Variants in LRFN5 observed in about 807,000 individuals in gnomAD.
LRFN5 encodes the protein leucine rich repeat and fibronectin type III domain containing 5.
A neutral mutation model predicts 45.6 loss-of-function variants in LRFN5; 24 were observed. The observed-to-expected ratio is 0.53, with a 90% CI of 0.38 to 0.74. LRFN5 has a LOEUF of 0.74. LRFN5 is among the 30% of genes least tolerant of loss of function. LRFN5 has a pLI of 0.00. For missense variants in LRFN5, 776 were observed against 861.5 expected, an observed-to-expected ratio of 0.90 and a Z score of 1.24; for synonymous variants, 340 against 313.8, an observed-to-expected ratio of 1.08 and a Z score of -0.88.
intron 1 of LRFN5, among the ~76,000 whole-genome samples, chr14:41,765,605 T>A (rs1885855073): frequency 6.6e-6 from 1 of 152,200 alleles, no homozygotes; most frequent in South Asian, 2.1e-4. Context: ...AGGAAATAAA[T>A]GAAAAGGCAA....
At chr14:41,661,273 T>A (rs903441509) in intron 1 of LRFN5, among the ~76,000 whole-genome samples, 152 of 152,082 alleles carry the variant, frequency 1.0e-3, no homozygotes, top group African/African-American at 3.5e-3. Context: ...GGTCTCTTAA[T>A]CTCAGTAAGA....
intron 2 of LRFN5, among the ~76,000 whole-genome samples, chr14:41,871,388 G>C (rs1171394280): frequency 6.6e-6 from 1 of 152,186 alleles, no homozygotes; most frequent in South Asian, 2.1e-4. Flanking sequence ...AGGAGTTCAA[G>C]ACCAGACTGG....
chr14:41,689,772 G>A (rs1308421358), intron 1 of LRFN5, among the ~76,000 whole-genome samples: 1 of 150,484 alleles, frequency 6.6e-6, no homozygotes, highest in East Asian at 2.0e-4. Context: ...GCGGGCGCCT[G>A]TAGTCCCAGC....
At chr14:41,847,384 C>G (rs1288988209) in intron 2 of LRFN5, among the ~76,000 whole-genome samples, 1 of 152,066 alleles carries the variant, frequency 6.6e-6, no homozygotes, top group African/African-American at 2.4e-5. Context: ...CCTGCATTAA[C>G]CCAGTGTTAC....
At chr14:41,685,638 TG>T (rs1037109573) in intron 1 of LRFN5, among the ~76,000 whole-genome samples, 4 of 152,184 alleles carry the variant, frequency 2.6e-5, no homozygotes, top group African/African-American at 9.6e-5. Flanking sequence ...GGTTAATTTT[TG>T]TATAAGCTGT....
At chr14:41,634,581 A>G (rs747605103) in intron 1 of LRFN5, among the ~76,000 whole-genome samples, 9 of 152,200 alleles carry the variant, frequency 5.9e-5, no homozygotes, top group Admixed American at 4.6e-4. Flanking sequence ...CTGATACACC[A>G]TCTGGATAGA....
chr14:41,889,964 A>T (rs1000534660), intron 3 of LRFN5, among the ~76,000 whole-genome samples: 1 of 152,112 alleles, frequency 6.6e-6, no homozygotes, highest in African/African-American at 2.4e-5. Flanking sequence ...CCTGGGTTCA[A>T]GCAATTCTCC....
At chr14:41,759,022 A>G (rs535632782) in intron 1 of LRFN5, among the ~76,000 whole-genome samples, 1 of 152,224 alleles carries the variant, frequency 6.6e-6, no homozygotes, top group East Asian at 1.9e-4. Flanking sequence ...TTCATATTAT[A>G]TTCCTGGACC....
At chr14:41,721,598 GA>G (rs1428432083) in intron 1 of LRFN5, among the ~76,000 whole-genome samples, 1 of 151,672 alleles carries the variant, frequency 6.6e-6, no homozygotes, top group Admixed American at 6.6e-5. Flanking sequence ...TGCTTGACTA[GA>G]AAAAAAATGT....
chr14:41,842,033 C>T (rs1358068866), intron 2 of LRFN5, among the ~76,000 whole-genome samples: 1 of 151,750 alleles, frequency 6.6e-6, no homozygotes, highest in Admixed American at 6.6e-5. Flanking sequence ...ACATATTCCC[C>T]CCAGCTTTCC....
In LRFN5 at chr14:41,892,548, A is replaced by G. The variant is rs1440002909; in HGVS notation, c.2098+586A>G. On this transcript the variant is annotated intron_variant, in intron 4 of 5. Coordinates refer to ENST00000298119, the MANE Select transcript of LRFN5 (RefSeq NM_152447.5). ...TGGATAATTGATATTTTTAATAAGT[A>G]GACTGTATATTTTCTTTCAATGGTA... 10 of 975,760 alleles carry G rather than the reference A, an allele frequency of 1.0e-5. No homozygotes were observed. In the East Asian group the frequency reaches 4.6e-4, roughly 44 times the overall value. 60.4% of individuals were successfully genotyped at this position (975,760 alleles called of 1,614,324 possible).
At chr14:41,819,572 G>C (rs1311810757) in intron 2 of LRFN5, among the ~76,000 whole-genome samples, 2 of 152,092 alleles carry the variant, frequency 1.3e-5, no homozygotes, top group Non-Finnish European at 2.9e-5. Context: ...TGTCCAGGAA[G>C]CATGGCATCA....
At chr14:41,706,503 G>T (rs990140474) in intron 1 of LRFN5, among the ~76,000 whole-genome samples, 1 of 151,860 alleles carries the variant, frequency 6.6e-6, no homozygotes, top group African/African-American at 2.4e-5. Context: ...GGCTTATTGA[G>T]TCAAAGATTC....
chr14:41,783,270 C>T (rs1886599228), intron 2 of LRFN5, among the ~76,000 whole-genome samples: 1 of 152,128 alleles, frequency 6.6e-6, no homozygotes, highest in Admixed American at 6.6e-5. Context: ...CTCTCACTCT[C>T]AGCCTTCAGC....
chr14:41,797,865 G>T (rs1887186588), intron 2 of LRFN5, among the ~76,000 whole-genome samples: 1 of 151,528 alleles, frequency 6.6e-6, no homozygotes, highest in Admixed American at 6.6e-5. Context: ...TACATGTATT[G>T]CTTCTCAATT....
intron 1 of LRFN5, among the ~76,000 whole-genome samples, chr14:41,708,321 A>G (rs1883148688): frequency 6.6e-6 from 1 of 152,026 alleles, no homozygotes. Flanking sequence ...TTATTCATTC[A>G]TCTGCCTCTT....
chr14:41,757,340 G>T (rs1394928653), intron 1 of LRFN5, among the ~76,000 whole-genome samples: 1 of 152,212 alleles, frequency 6.6e-6, no homozygotes, highest in Non-Finnish European at 1.5e-5. Flanking sequence ...GTTTGGCTAT[G>T]CCCTGCCCCC....
intron 1 of LRFN5, among the ~76,000 whole-genome samples, chr14:41,752,667 C>A (rs1885187862): frequency 6.6e-6 from 1 of 152,058 alleles, no homozygotes. Flanking sequence ...GATATTAGCC[C>A]TTTTCTCAGA....
At chr14:41,757,623 G>A (rs530571188) in intron 1 of LRFN5, among the ~76,000 whole-genome samples, 1 of 152,322 alleles carries the variant, frequency 6.6e-6, no homozygotes, top group Admixed American at 6.5e-5. Context: ...GTATTAGGGT[G>A]GGAGTGACCC....
Sources: allele counts gnomAD v4.1 joint callset (sites outside exome capture counted in the v4.1 genomes callset), GRCh38; gene constraint gnomAD v4.1.1; transcripts MANE v1.5; gene names NCBI Gene and HGNC (gene_info 2026-07-23, HGNC 2026-07-21).